Variants in LRRC4C observed in about 807,000 individuals in gnomAD.
The protein encoded by LRRC4C is leucine-rich repeat-containing protein 4C.
A neutral mutation model predicts 33.6 loss-of-function variants in LRRC4C; 5 were observed. The observed-to-expected ratio is 0.15, with a 90% CI of 0.08 to 0.31. The LOEUF is 0.31. LRRC4C is among the 10% of genes least tolerant of loss of function. The pLI is 1.00. For missense variants in LRRC4C, 560 were observed against 796.7 expected, an observed-to-expected ratio of 0.70 and a Z score of 3.58; for synonymous variants, 329 against 302.0, an observed-to-expected ratio of 1.09 and a Z score of -0.93.
chr11:40,813,816 A>C (rs929199452), intron 2 of LRRC4C, among the ~76,000 whole-genome samples: 8 of 152,210 alleles, frequency 5.3e-5, no homozygotes, highest in Non-Finnish European at 1.0e-4. Context: ...ACACAAGTCC[A>C]AAATCAAATA....
chr11:41,287,369 G>A (rs1199395648), intron 1 of LRRC4C, among the ~76,000 whole-genome samples: 1 of 152,104 alleles, frequency 6.6e-6, no homozygotes, highest in Non-Finnish European at 1.5e-5. Flanking sequence ...TTACTCTAAC[G>A]ATGAAAACCA....
intron 3 of LRRC4C, among the ~76,000 whole-genome samples, chr11:40,406,003 T>C (rs1949950917): frequency 6.6e-6 from 1 of 152,080 alleles, no homozygotes; most frequent in Admixed American, 6.6e-5. Context: ...TGTGACACTG[T>C]ATATCGGATC....
intron 1 of LRRC4C, among the ~76,000 whole-genome samples, chr11:41,189,200 T>G (rs1213472057): frequency 6.6e-6 from 1 of 152,022 alleles, no homozygotes; most frequent in Admixed American, 6.6e-5. Flanking sequence ...TACTGAGAGA[T>G]AAAAACAATG....
intron 1 of LRRC4C, among the ~76,000 whole-genome samples, chr11:41,253,663 T>A (rs1288342782): frequency 6.6e-6 from 1 of 152,092 alleles, no homozygotes; most frequent in Non-Finnish European, 1.5e-5. Flanking sequence ...TCCAAATCTG[T>A]AAAATGAAAG....
At chr11:40,527,723 TA>T (rs1371161234) in intron 3 of LRRC4C, among the ~76,000 whole-genome samples, 15 of 152,254 alleles carry the variant, frequency 9.9e-5, no homozygotes, top group South Asian at 6.2e-4. Flanking sequence ...TATAGAGGTC[TA>T]CAGCACAAAG....
chr11:40,796,562 G>A (rs1010463705), intron 2 of LRRC4C, among the ~76,000 whole-genome samples: 16 of 151,656 alleles, frequency 1.1e-4, no homozygotes, highest in Admixed American at 9.2e-4. Flanking sequence ...AAATGTAGTC[G>A]GTGTAGAAGG....
intron 5 of LRRC4C, among the ~76,000 whole-genome samples, chr11:40,148,658 T>C (rs922660283): frequency 7.9e-5 from 12 of 152,202 alleles, no homozygotes; most frequent in Non-Finnish European, 1.5e-4. Flanking sequence ...GGTAGTTTCT[T>C]TTGCTGTGCA....
rs111443921 is a variant in LRRC4C at position 40,709,276 on chromosome 11, G to A, written c.-406-60998C>T. ...TGTTAGCTGGTTATTTTGCCTGTTA[G>A]TTGATGCAGTTTCTTCCTAGCATCC... On this transcript the variant is annotated intron_variant, in intron 2 of 6. Coordinates refer to ENST00000528697, the MANE Select transcript of LRRC4C (RefSeq NM_001258419.2). Among the ~76,000 whole-genome samples the A allele has an allele frequency of 4.7e-3, 720 of 152,214 alleles. 12 individuals are homozygous for A. The highest frequency in any genetic ancestry group is 0.017 in the African/African-American group (697 of 41,548).
chr11:40,175,791 T>G (rs142729123), intron 5 of LRRC4C, among the ~76,000 whole-genome samples: 422 of 152,328 alleles, frequency 2.8e-3, no homozygotes, highest in African/African-American at 9.6e-3. Context: ...TACCGTCTTC[T>G]GCTCTCCAAT....
intron 1 of LRRC4C, among the ~76,000 whole-genome samples, chr11:41,138,966 A>G (rs560647069): frequency 6.6e-6 from 1 of 152,144 alleles, no homozygotes; most frequent in African/African-American, 2.4e-5. Flanking sequence ...AAGCCATGTT[A>G]TGTGTAACTG....
intron 1 of LRRC4C, among the ~76,000 whole-genome samples, chr11:41,378,816 A>C (rs147537268): frequency 9.9e-5 from 15 of 152,208 alleles, no homozygotes; most frequent in African/African-American, 3.1e-4. Flanking sequence ...AATTAAAATA[A>C]AGATCTTCAT....
intron 2 of LRRC4C, among the ~76,000 whole-genome samples, chr11:40,655,743 C>G (rs1943069972): frequency 6.6e-6 from 1 of 152,070 alleles, no homozygotes; most frequent in Non-Finnish European, 1.5e-5. Flanking sequence ...ATCTCAAAAT[C>G]TCTGGCAGAG....
intron 3 of LRRC4C, among the ~76,000 whole-genome samples, chr11:40,620,541 A>G (rs1320614482): frequency 6.6e-6 from 1 of 151,754 alleles, no homozygotes. Flanking sequence ...TTAAAAATAA[A>G]CCTTCCATTC....
intron 2 of LRRC4C, among the ~76,000 whole-genome samples, chr11:40,700,682 G>C (rs1314390162): frequency 6.6e-6 from 1 of 151,970 alleles, no homozygotes; most frequent in Non-Finnish European, 1.5e-5. Flanking sequence ...CTGGATTCAG[G>C]GTCCAGAGTG....
At chr11:40,750,148 G>A (rs1369672426) in intron 2 of LRRC4C, among the ~76,000 whole-genome samples, 1 of 152,080 alleles carries the variant, frequency 6.6e-6, no homozygotes. Flanking sequence ...CTTGAACCCA[G>A]GAGGTGGAGA....
intron 3 of LRRC4C, among the ~76,000 whole-genome samples, chr11:40,493,078 T>G (rs1010581629): frequency 2.0e-5 from 3 of 151,122 alleles, no homozygotes; most frequent in Non-Finnish European, 3.0e-5. Context: ...TAATATATAT[T>G]AAATATAAAT....
intron 3 of LRRC4C, among the ~76,000 whole-genome samples, chr11:40,531,203 A>G (rs1956256812): frequency 6.6e-6 from 1 of 152,006 alleles, no homozygotes; most frequent in Non-Finnish European, 1.5e-5. Flanking sequence ...TTCCATATAT[A>G]CCCTACCCCC....
chr11:40,496,677 G>A (rs1022678243), intron 3 of LRRC4C, among the ~76,000 whole-genome samples: 5 of 151,918 alleles, frequency 3.3e-5, no homozygotes, highest in Admixed American at 6.6e-5. Flanking sequence ...CACATTCAGC[G>A]GTGACAGAAG....
At chr11:40,134,033 C>A (rs1006971470) in intron 6 of LRRC4C, among the ~76,000 whole-genome samples, 12 of 151,998 alleles carry the variant, frequency 7.9e-5, no homozygotes, top group Non-Finnish European at 1.5e-4. Flanking sequence ...ATTCTCTATT[C>A]TTTAGAATGA....
Sources: gnomAD v4.1 joint callset for allele counts (sites outside exome capture counted in the v4.1 genomes callset) on GRCh38, gnomAD v4.1.1 for gene constraint, MANE v1.5 for transcripts, NCBI Gene and HGNC (gene_info 2026-07-23, HGNC 2026-07-21) for gene names.